The following RFTN2 variants were observed in gnomAD, a reference collection of about 807,000 sequenced individuals.
RFTN2 encodes the protein raftlin-2.
A neutral mutation model predicts 52.7 loss-of-function variants in RFTN2; 34 were observed. The observed-to-expected ratio is 0.64, with a 90% CI of 0.49 to 0.86. RFTN2 has a LOEUF of 0.86. Ranked by LOEUF, RFTN2 falls within the 40% of genes least tolerant of loss-of-function variation. The probability of loss-of-function intolerance (pLI) is 0.00; values close to 1 mark genes in which losing one functional copy is unlikely to be tolerated. For synonymous variants in RFTN2, 203 were observed against 217.7 expected (o/e 0.93, Z 0.59); for missense variants, 536 against 600.1 (o/e 0.89, Z 1.12).
At chr2:197,633,091 C>G (rs1252087518) in intron 4 of RFTN2, among the ~76,000 whole-genome samples, 1 of 152,088 alleles carries the variant, frequency 6.6e-6, no homozygotes, top group African/African-American at 2.4e-5. Context: ...TTAAAGCATG[C>G]CCACAAAGGT....
Position 197,575,935 on chromosome 2 carries a change from G to GCTAA in RFTN2, c.1234-3656_1234-3655insTTAG, listed in dbSNP as rs1491137193. On this transcript the variant is annotated intron_variant, in intron 8 of 8. Transcript: ENST00000295049. ...AAAATAAGATAGCTAAGTCAAAAAAGGGAAAGCACAACAAGGAGAATTAGC... is the reference window on the plus strand; with the variant it reads ...AAAATAAGATAGCTAAGTCAAAAAAGCTAAGGAAAGCACAACAAGGAGAATTAGC... 5.4e-4 allele frequency among the ~76,000 whole-genome samples: 72 copies of GCTAA among 134,392 alleles called. 2 individuals are homozygous for GCTAA. The South Asian group carries it at 8.9e-3, about 17-fold the overall frequency. 88.2% of individuals were successfully genotyped at this position (134,392 alleles called of 152,430 possible).
At chr2:197,602,756 A>C (rs1295066529) in intron 7 of RFTN2, among the ~76,000 whole-genome samples, 2 of 152,192 alleles carry the variant, frequency 1.3e-5, no homozygotes, top group African/African-American at 4.8e-5. Context: ...TCATGCTGCT[A>C]TAAAGACACA....
Position 197,615,885 on chromosome 2 carries a change from C to A in RFTN2, c.1145G>T (p.Arg382Ile). 6.5e-7 allele frequency: 1 copy of A among 1,537,522 alleles called. No individual in the cohort carries two copies. The highest frequency in any genetic ancestry group is 1.2e-5 in the South Asian group (1 of 83,832). Reference protein sequence around the residue: ...LTSVLPTPVLRHDSEGNLATK... With the variant: ...LTSVLPTPVLIHDSEGNLATK... Reference sequence around the variant, plus strand: ...GATACTTTTGCCTTACCTGTCATGTCTCAATACAGGTGTGGGCAACACGCT... The same window carrying A: ...GATACTTTTGCCTTACCTGTCATGTATCAATACAGGTGTGGGCAACACGCT... Residue 382 changes from arginine to isoleucine, a missense_variant, in exon 7 of 9, where the codon AGA (arginine) becomes ATA (isoleucine). Transcript: ENST00000295049.
intron 4 of RFTN2, among the ~76,000 whole-genome samples, chr2:197,633,227 G>A (rs970000801): frequency 2.4e-4 from 36 of 152,302 alleles, no homozygotes; most frequent in African/African-American, 8.2e-4. Flanking sequence ...AGGCACTATT[G>A]TTATATTAAT....
chr2:197,660,310 C>G (rs1313401531), intron 1 of RFTN2, among the ~76,000 whole-genome samples: 1 of 152,138 alleles, frequency 6.6e-6, no homozygotes, highest in African/African-American at 2.4e-5. Flanking sequence ...TGTTACTTAT[C>G]AAAATGTTTT....
chr2:197,674,429 G>C (rs2089189797), intron 1 of RFTN2, among the ~76,000 whole-genome samples: 1 of 146,704 alleles, frequency 6.8e-6, no homozygotes, highest in Admixed American at 6.8e-5. Context: ...TGATAATTTA[G>C]TATAAACTTT....
chr2:197,646,373 T>A, intron 2 of RFTN2, 110 bp downstream of exon 2: 1 of 799,968 alleles, frequency 1.3e-6, no homozygotes, highest in Non-Finnish European at 2.0e-6. Flanking sequence ...TGCTTTAAAC[T>A]AAAACCCCCA....
chr2:197,645,460 AG>A (rs144942401), intron 2 of RFTN2, among the ~76,000 whole-genome samples: 13,709 of 152,234 alleles, frequency 0.09, 683 homozygotes, highest in Non-Finnish European at 0.11. Flanking sequence ...TATTAATTAA[AG>A]GGTTGTGTAA....
At chr2:197,582,501 C>G (rs2087526096) in intron 8 of RFTN2, among the ~76,000 whole-genome samples, 1 of 152,172 alleles carries the variant, frequency 6.6e-6, no homozygotes, top group African/African-American at 2.4e-5. Flanking sequence ...TGCCACTCAC[C>G]AGCAAAGGCA....
intron 3 of RFTN2, among the ~76,000 whole-genome samples, chr2:197,640,408 C>G (rs1012725197): frequency 6.6e-6 from 1 of 152,268 alleles, no homozygotes; most frequent in African/African-American, 2.4e-5. Flanking sequence ...GTAGGACCCT[C>G]CGAGCCAGGT....
intron 8 of RFTN2, among the ~76,000 whole-genome samples, chr2:197,576,319 TG>T (rs1175402677): frequency 6.6e-6 from 1 of 152,088 alleles, no homozygotes; most frequent in Non-Finnish European, 1.5e-5. Context: ...AGTGGTGTGG[TG>T]TCTGGCCTTT....
At chr2:197,575,907 GA>G (rs1461560746) in intron 8 of RFTN2, among the ~76,000 whole-genome samples, 1 of 124,320 alleles carries the variant, frequency 8.0e-6, no homozygotes, top group African/African-American at 3.0e-5. Context: ...ATATATATAT[GA>G]AAAAATAAGA....
intron 3 of RFTN2, among the ~76,000 whole-genome samples, chr2:197,641,486 G>T (rs1315739708): frequency 6.6e-6 from 1 of 152,124 alleles, no homozygotes; most frequent in African/African-American, 2.4e-5. Flanking sequence ...CTTCCTCTAG[G>T]TCTTGTTAGT....
chr2:197,596,102 G>C, intron 7 of RFTN2, 33 bp from the exon 8 acceptor site: 1 of 1,339,008 alleles, frequency 7.5e-7, no homozygotes, highest in Non-Finnish European at 1.1e-6. Context: ...TAGTATTTGT[G>C]AGTTAGTAAT....
intron 5 of RFTN2, among the ~76,000 whole-genome samples, chr2:197,623,901 T>C (rs1290122353): frequency 6.6e-6 from 1 of 152,156 alleles, no homozygotes; most frequent in African/African-American, 2.4e-5. Context: ...TGACCTCAAG[T>C]GATCCACCTG....
chr2:197,587,529 C>T lies in RFTN2; in HGVS notation c.1233+8462G>A, dbSNP rs548128391. Among the ~76,000 whole-genome samples the T allele has an allele frequency of 5.0e-4, 76 of 152,122 alleles. 2 individuals carry two copies. In the South Asian group the frequency reaches 8.1e-3, roughly 16 times the overall value. On this transcript the variant is annotated intron_variant, in intron 8 of 8. Transcript: ENST00000295049. ...CCCCACTGAGCACCTTGTGACCCCC[C>T]ACCCCTGCCCGCCAGAGAACAACCC...
At chr2:197,581,716 T>C (rs1027135174) in intron 8 of RFTN2, among the ~76,000 whole-genome samples, 16 of 152,174 alleles carry the variant, frequency 1.1e-4, no homozygotes, top group Admixed American at 2.0e-4. Context: ...TAATTCTTCA[T>C]AAAAACACAT....
intron 7 of RFTN2, among the ~76,000 whole-genome samples, chr2:197,608,623 CTTT>C (rs57681105): frequency 0.013 from 1,342 of 99,468 alleles, 7 homozygotes; most frequent in African/African-American, 0.03. Context: ...TGGGACCAGA[CTTT>C]TTTTTTTTTT....
chr2:197,595,369 A>G (rs2087779062), intron 8 of RFTN2, among the ~76,000 whole-genome samples: 1 of 152,216 alleles, frequency 6.6e-6, no homozygotes. Flanking sequence ...AACAGGAGAA[A>G]AGGTTTATTT....
Sources: gnomAD v4.1 joint callset for allele counts (sites outside exome capture counted in the v4.1 genomes callset) on GRCh38, gnomAD v4.1.1 for gene constraint, MANE v1.5 for transcripts, NCBI Gene and HGNC (gene_info 2026-07-23, HGNC 2026-07-21) for gene names.